DCHS2: variants seen among roughly 807,000 people sequenced by gnomAD.
The protein encoded by DCHS2 is protocadherin-23.
A neutral mutation model predicts 182.4 loss-of-function variants in DCHS2; 142 were observed. The ratio of observed to expected loss-of-function variants is 0.78; its 90% CI spans 0.68 to 0.89. The LOEUF is 0.89. Ranked by LOEUF, DCHS2 falls within the 40% of genes least tolerant of loss-of-function variation. The pLI is 0.00. For synonymous variants in DCHS2, 1,740 were observed against 1,663.3 expected, an observed-to-expected ratio of 1.05 and a Z score of -1.12; for missense variants, 4,319 against 4,198.6, an observed-to-expected ratio of 1.03 and a Z score of -0.79.
chr4:154,245,293 C>CTAT (rs1360625765), intron 16 of DCHS2, among the ~76,000 whole-genome samples: 1 of 152,148 alleles, frequency 6.6e-6, no homozygotes, highest in African/African-American at 2.4e-5. Flanking sequence ...GCCCTGATTA[C>CTAT]TATTATCACT....
At position 154,234,427 on chromosome 4, in the gene DCHS2, T is replaced by A. The variant is rs1731341313; in HGVS notation, c.*109A>T. The A allele has an allele frequency of 7.2e-7, 1 of 1,384,532 alleles. No individual in the cohort carries two copies. Among genetic ancestry groups the A allele is most frequent in the Non-Finnish European group, 9.5e-7 (1 of 1,050,172 alleles). The allele number at this position is 1,384,532 out of a possible 1,614,324, so 85.8% of individuals were successfully genotyped here. A position where few individuals can be genotyped will look rare whatever the true frequency, so the allele number is the denominator to read the frequency against. On this transcript the variant is annotated 3_prime_UTR_variant, in exon 20 of 20. Coordinates refer to ENST00000357232, the MANE Select transcript of DCHS2 (RefSeq NM_001358235.2). ...TTTTAAAAACTCTAACTAAATTACA[T>A]CACTTGCTTTTAGATAAAAATGAGC...
chr4:154,329,564 A>C lies in DCHS2; in HGVS notation c.3877T>G (p.Phe1293Val). Residue 1293 changes from phenylalanine (F) to valine (V), a missense_variant, in exon 6 of 20, where the codon TTC (phenylalanine) becomes GTC (valine). Physicochemically the swap from Phe to Val is conservative, Grantham distance 50. Coordinates refer to ENST00000357232, the MANE Select transcript of DCHS2 (RefSeq NM_001358235.2). ...SVTDINDNRP[F>V]FPQCLPGKEL... ...TTTCCAGGGAGACACTGGGGGAAGA[A>C]GGGCCTGTTATCATTGATGTCAGTA... 1 of 1,613,744 alleles carries C rather than the reference A, an allele frequency of 6.2e-7. No homozygotes were observed. Among genetic ancestry groups the C allele is most frequent in the Admixed American group, 1.7e-5 (1 of 60,012 alleles).
At chr4:154,300,872 G>T (rs1414387054) in intron 12 of DCHS2, among the ~76,000 whole-genome samples, 1 of 152,184 alleles carries the variant, frequency 6.6e-6, no homozygotes, top group South Asian at 2.1e-4. Context: ...TCATGATCCG[G>T]CTTAGGCGAA....
intron 13 of DCHS2, among the ~76,000 whole-genome samples, chr4:154,282,155 A>G (rs1245416107): frequency 6.6e-6 from 1 of 152,132 alleles, no homozygotes; most frequent in African/African-American, 2.4e-5. Context: ...AAGCATAGGC[A>G]ACAAAAGCAA....
rs139417309 is a variant in DCHS2 at position 154,371,370 on chromosome 4, G to C, written c.2245-4929C>G. 9.2e-3 allele frequency among the ~76,000 whole-genome samples: 1,396 copies of C among 152,198 alleles called. 10 individuals are homozygous for C. The highest frequency in any genetic ancestry group is 0.013 in the Non-Finnish European group (914 of 67,998). On this transcript the variant is annotated intron_variant, in intron 2 of 19. Coordinates refer to ENST00000357232, the MANE Select transcript of DCHS2 (RefSeq NM_001358235.2). Reference sequence around the variant, plus strand: ...GTCAGCTTGTGATTGGTGGACTATGGGCTTCCTTGTGAGAGTGCAGAAAGG... The same window carrying C: ...GTCAGCTTGTGATTGGTGGACTATGCGCTTCCTTGTGAGAGTGCAGAAAGG...
intron 1 of DCHS2, among the ~76,000 whole-genome samples, chr4:154,407,490 T>A (rs1441405716): frequency 6.6e-6 from 1 of 152,178 alleles, no homozygotes; most frequent in Non-Finnish European, 1.5e-5. Flanking sequence ...AACATACACA[T>A]AAAACCTTTT....
At chr4:154,280,536 G>C (rs1734082038) in intron 13 of DCHS2, among the ~76,000 whole-genome samples, 2 of 152,034 alleles carry the variant, frequency 1.3e-5, no homozygotes, top group African/African-American at 2.4e-5. Context: ...TGACCAAGTG[G>C]GGTTTGTCCC....
intron 13 of DCHS2, among the ~76,000 whole-genome samples, chr4:154,282,233 T>TA (rs1235055838): frequency 1.3e-5 from 2 of 151,894 alleles, no homozygotes; most frequent in Non-Finnish European, 2.9e-5. Context: ...ATGAACAGAT[T>TA]AAAAAGGGAA....
At chr4:154,294,411 G>A (rs1258750992) in intron 13 of DCHS2, among the ~76,000 whole-genome samples, 4 of 152,132 alleles carry the variant, frequency 2.6e-5, no homozygotes, top group Non-Finnish European at 5.9e-5. Context: ...CAGTACAGCT[G>A]ATATGCACAC....
chr4:154,388,270 G>A (rs919183240), intron 1 of DCHS2, among the ~76,000 whole-genome samples: 6 of 151,836 alleles, frequency 4.0e-5, no homozygotes, highest in East Asian at 3.9e-4. Flanking sequence ...CATGAAAATT[G>A]TATATTTAAA....
chr4:154,284,991 A>C (rs908890126), intron 13 of DCHS2, among the ~76,000 whole-genome samples: 3 of 152,174 alleles, frequency 2.0e-5, no homozygotes, highest in African/African-American at 7.2e-5. Context: ...TGAGCAGAGG[A>C]GAGGGAAGAG....
At chr4:154,296,269 TA>T (rs1734919734) in intron 13 of DCHS2, among the ~76,000 whole-genome samples, 1 of 152,202 alleles carries the variant, frequency 6.6e-6, no homozygotes, top group African/African-American at 2.4e-5. Flanking sequence ...GGTTTATCCT[TA>T]ACTTTTAAAG....
intron 1 of DCHS2, among the ~76,000 whole-genome samples, chr4:154,467,180 C>G (rs942674157): frequency 6.6e-6 from 1 of 152,052 alleles, no homozygotes; most frequent in African/African-American, 2.4e-5. Flanking sequence ...GCTATAAAAT[C>G]CATTTATATG....
chr4:154,429,864 T>C (rs1474813807), intron 1 of DCHS2, among the ~76,000 whole-genome samples: 1 of 152,168 alleles, frequency 6.6e-6, no homozygotes, highest in East Asian at 1.9e-4. Flanking sequence ...TCCTCCTTAC[T>C]AGCTGTGTAA....
rs779857808 is a variant in DCHS2 at position 154,373,987 on chromosome 4, T to C, written c.2244+3266A>G. 3.6e-6 allele frequency: 5 copies of C among 1,389,372 alleles called. No individual in the cohort carries two copies. In the African/African-American group the frequency reaches 5.0e-5, roughly 14 times the overall value. 86.1% of individuals were successfully genotyped at this position (1,389,372 alleles called of 1,614,324 possible). A position where few individuals can be genotyped will look rare whatever the true frequency, so the allele number is the denominator to read the frequency against. ...ACAATGAATTGATCCTTTTTGGAGG[T>C]GGATATTTTAATAGCAAAAAAAAAA... On this transcript the variant is annotated intron_variant, in intron 2 of 19. Coordinates refer to ENST00000357232, the MANE Select transcript of DCHS2 (RefSeq NM_001358235.2).
chr4:154,419,922 G>A (rs772924992), intron 1 of DCHS2, among the ~76,000 whole-genome samples: 2 of 152,004 alleles, frequency 1.3e-5, no homozygotes, highest in Non-Finnish European at 2.9e-5. Flanking sequence ...TAGGCAGGGA[G>A]GAGATGATGA....
chr4:154,309,454 T>C (rs1021194102), intron 10 of DCHS2, among the ~76,000 whole-genome samples: 1 of 152,158 alleles, frequency 6.6e-6, no homozygotes, highest in Non-Finnish European at 1.5e-5. Context: ...CCTCTCTCAT[T>C]TCCTTCCCAG....
intron 2 of DCHS2, among the ~76,000 whole-genome samples, chr4:154,374,999 G>A (rs1347630437): frequency 2.0e-5 from 3 of 152,104 alleles, no homozygotes; most frequent in Non-Finnish European, 2.9e-5. Flanking sequence ...GTAATCTTAA[G>A]TTAGAACAAA....
chr4:154,408,145 AC>A (rs1169556114), intron 1 of DCHS2, among the ~76,000 whole-genome samples: 2 of 152,236 alleles, frequency 1.3e-5, no homozygotes, highest in African/African-American at 4.8e-5. Context: ...TTTAAAATTA[AC>A]TTCTCAATAC....
Sources: gnomAD v4.1 joint callset for allele counts (sites outside exome capture counted in the v4.1 genomes callset) on GRCh38, gnomAD v4.1.1 for gene constraint, MANE v1.5 for transcripts, NCBI Gene and HGNC (gene_info 2026-07-23, HGNC 2026-07-21) for gene names.